The following PDE3B variants were observed in gnomAD, a reference collection of about 807,000 sequenced individuals.
PDE3B encodes the protein cGMP-inhibited 3',5'-cyclic phosphodiesterase 3B.
A neutral mutation model predicts 116.8 loss-of-function variants in PDE3B; 66 were observed. That is an observed-to-expected ratio of 0.56 (90% CI 0.46 to 0.69). PDE3B has a LOEUF of 0.69. PDE3B is among the 30% of genes least tolerant of loss of function. The probability of loss-of-function intolerance (pLI) is 0.00; values close to 1 mark genes in which losing one functional copy is unlikely to be tolerated. For missense variants in PDE3B, 1,384 were observed against 1,368.1 expected (o/e 1.01, Z -0.18); for synonymous variants, 595 against 533.6 (o/e 1.12, Z -1.59).
Position 14,867,599 on chromosome 11 carries a change from C to T in PDE3B, c.2980C>T (p.His994Tyr). The change falls in exon 15 of 16, where the codon CAC becomes TAC. Residue 994 changes from histidine to tyrosine, a missense_variant. His to Tyr is a moderately conservative substitution (Grantham distance 83, BLOSUM62 2). Coordinates refer to ENST00000282096, the MANE Select transcript of PDE3B (RefSeq NM_000922.4). ...LAKLQESFIT[H>Y]IVGPLCNSYD... Reference sequence around the variant, plus strand: ...AAAACTCCAAGAATCTTTTATCACCCACATAGTGGGTCCCCTGTGTAACTC... The same window carrying T: ...AAAACTCCAAGAATCTTTTATCACCTACATAGTGGGTCCCCTGTGTAACTC... 6.2e-7 allele frequency: 1 copy of T among 1,614,022 alleles called. No individual in the cohort carries two copies.
chr11:14,778,218 C>G (rs1188144310), intron 2 of PDE3B, among the ~76,000 whole-genome samples: 1 of 152,208 alleles, frequency 6.6e-6, no homozygotes, highest in Non-Finnish European at 1.5e-5. Flanking sequence ...CTGCCGGCCT[C>G]TGTAGACTCC....
At chr11:14,891,905 A>G in the PDE3B span, 4 of 1,536,036 alleles carry the variant, frequency 2.6e-6, no homozygotes, top group Non-Finnish European at 3.5e-6. Flanking sequence ...GGCGGCCATA[A>G]GTCCAACCAG....
At chr11:14,806,396 C>T (rs1303050979) in intron 5 of PDE3B, among the ~76,000 whole-genome samples, 1 of 150,772 alleles carries the variant, frequency 6.6e-6, no homozygotes, top group Admixed American at 6.6e-5. Flanking sequence ...TGCTGTGAGC[C>T]GAGATCGTGC....
chr11:14,891,926 G>A, the PDE3B span: 4 of 1,581,216 alleles, frequency 2.5e-6, no homozygotes, highest in Non-Finnish European at 3.4e-6. Flanking sequence ...GAAGGCCCTG[G>A]CCAGCCCGGG....
chr11:14,669,730 C>G (rs931980542), intron 1 of PDE3B, among the ~76,000 whole-genome samples: 4 of 151,568 alleles, frequency 2.6e-5, no homozygotes, highest in African/African-American at 7.3e-5. Flanking sequence ...TCTGTCCTTG[C>G]GATAGCACTA....
intron 2 of PDE3B, among the ~76,000 whole-genome samples, chr11:14,782,268 T>C (rs1268351371): frequency 6.6e-6 from 1 of 152,226 alleles, no homozygotes; most frequent in Non-Finnish European, 1.5e-5. Context: ...ACTTGAAAGT[T>C]CATGTGGAAC....
chr11:14,884,504 G>A, the PDE3B span, among the ~76,000 whole-genome samples: 6 of 143,806 alleles, frequency 4.2e-5, no homozygotes, highest in African/African-American at 1.5e-4. Flanking sequence ...GACACAGGAA[G>A]GGGAACATCA....
chr11:14,823,870 C>G (rs1859598802), intron 7 of PDE3B, among the ~76,000 whole-genome samples: 2 of 152,176 alleles, frequency 1.3e-5, no homozygotes, highest in Admixed American at 1.3e-4. Context: ...GTCTCCAGCT[C>G]CCCTCACCTC....
intron 1 of PDE3B, among the ~76,000 whole-genome samples, chr11:14,706,655 G>A (rs1367554153): frequency 1.3e-5 from 2 of 151,860 alleles, no homozygotes; most frequent in African/African-American, 4.8e-5. Flanking sequence ...AAAATACGGT[G>A]ATATGCCACT....
At chr11:14,829,684 C>G (rs571223372) in intron 7 of PDE3B, among the ~76,000 whole-genome samples, 2 of 152,030 alleles carry the variant, frequency 1.3e-5, no homozygotes, top group Admixed American at 1.3e-4. Flanking sequence ...ATACTGGGGC[C>G]TACCTGATGG....
chr11:14,750,201 A>C (rs1857021421), intron 1 of PDE3B, among the ~76,000 whole-genome samples: 1 of 151,822 alleles, frequency 6.6e-6, no homozygotes, highest in African/African-American at 2.4e-5. Flanking sequence ...TTCAAATGTT[A>C]ATCTCATCCA....
intron 12 of PDE3B, among the ~76,000 whole-genome samples, chr11:14,858,503 G>T (rs1402658761): frequency 1.3e-5 from 2 of 152,090 alleles, no homozygotes; most frequent in African/African-American, 4.8e-5. Flanking sequence ...ACATAGTTCT[G>T]TTTTACTCCC....
chr11:14,714,559 A>AG (rs1454134783), intron 1 of PDE3B, among the ~76,000 whole-genome samples: 5 of 149,636 alleles, frequency 3.3e-5, no homozygotes, highest in African/African-American at 1.2e-4. Flanking sequence ...AAAAAAAAAA[A>AG]GAAATACATG....
chr11:14,827,017 A>G (rs1198062434), intron 7 of PDE3B, among the ~76,000 whole-genome samples: 1 of 152,234 alleles, frequency 6.6e-6, no homozygotes, highest in African/African-American at 2.4e-5. Flanking sequence ...GGTTCAACAT[A>G]TGCAAATCAG....
intron 1 of PDE3B, among the ~76,000 whole-genome samples, chr11:14,664,954 G>A (rs1233369487): frequency 6.6e-6 from 1 of 152,116 alleles, no homozygotes; most frequent in East Asian, 1.9e-4. Context: ...GCCGGGCAGA[G>A]ACACAACAAA....
Position 14,726,201 on chromosome 11 carries a change from C to A in PDE3B, c.979-45736C>A, listed in dbSNP as rs567298208. ...TCCCTGACCACCCTATATAAATAAGCCTTCTTTGACACCTGCCTATCATTC... is the reference window on the plus strand; with the variant it reads ...TCCCTGACCACCCTATATAAATAAGACTTCTTTGACACCTGCCTATCATTC... On this transcript the variant is annotated intron_variant, in intron 1 of 15. Transcript: ENST00000282096. 3.9e-5 allele frequency among the ~76,000 whole-genome samples: 6 copies of A among 152,278 alleles called. No individual in the cohort carries two copies. The South Asian group carries it at 1.2e-3, about 32-fold the overall frequency.
At chr11:14,666,473 A>T (rs1249901078) in intron 1 of PDE3B, among the ~76,000 whole-genome samples, 1 of 150,604 alleles carries the variant, frequency 6.6e-6, no homozygotes, top group Non-Finnish European at 1.5e-5. Flanking sequence ...CAGCAAAAGA[A>T]ACTACCATCA....
At chr11:14,843,495 G>T (rs924314728) in intron 11 of PDE3B, among the ~76,000 whole-genome samples, 5 of 151,966 alleles carry the variant, frequency 3.3e-5, no homozygotes, top group African/African-American at 1.2e-4. Context: ...ATATATCCTG[G>T]CCATTGTATC....
At chr11:14,688,220 A>T (rs1185754145) in intron 1 of PDE3B, among the ~76,000 whole-genome samples, 1 of 144,546 alleles carries the variant, frequency 6.9e-6, no homozygotes, top group Non-Finnish European at 1.5e-5. Flanking sequence ...GAACATGAGT[A>T]TTTTCAGGAA....
Sources: allele counts gnomAD v4.1 joint callset (sites outside exome capture counted in the v4.1 genomes callset), GRCh38; gene constraint gnomAD v4.1.1; transcripts MANE v1.5; gene names NCBI Gene and HGNC (gene_info 2026-07-23, HGNC 2026-07-21).